MAP3K3: variants seen among roughly 807,000 people sequenced by gnomAD.
MAP3K3 encodes mitogen-activated protein kinase kinase kinase 3, also known as MAP/ERK kinase kinase 3.
MAP3K3 carries 12 observed loss-of-function variants against 80.9 expected under a neutral mutation model. That is an observed-to-expected ratio of 0.15 (90% CI 0.10 to 0.24). MAP3K3 has a LOEUF of 0.24. Among genes scored for constraint, MAP3K3 ranks in the 10% least tolerant of loss-of-function variants. The pLI is 1.00. For missense variants in MAP3K3, 596 were observed against 834.7 expected (o/e 0.71, Z 3.52); for synonymous variants, 272 against 307.1 (o/e 0.89, Z 1.19).
chr17:63,629,546 A>G (rs1446503128), intron 1 of MAP3K3, among the ~76,000 whole-genome samples: 3 of 152,064 alleles, frequency 2.0e-5, no homozygotes, highest in Admixed American at 2.0e-4. Flanking sequence ...CCAAGTGTGC[A>G]TAGTGATGTT....
In MAP3K3 at chr17:63,689,534, A is replaced by C; in HGVS notation, c.872-10A>C. ...TGACTTGCTCTCCTCTGGCCCTTGC[A>C]CCCTTTCAGGCAGAAGAACATTTCC... On this transcript the variant is annotated splice_polypyrimidine_tract_variant and intron_variant, in intron 10 of 15. Coordinates refer to ENST00000361733, the MANE Select transcript of MAP3K3 (RefSeq NM_002401.5). This position sits in a 1 kb window ranked among gnomAD's most constrained non-coding sequence, Gnocchi z 4.3. 1 of 1,609,786 alleles carries C rather than the reference A, an allele frequency of 6.2e-7. No homozygotes were observed. Among genetic ancestry groups the C allele is most frequent in the Non-Finnish European group, 8.5e-7 (1 of 1,177,694 alleles).
chr17:63,683,110 A>G (rs1486989746), intron 7 of MAP3K3, among the ~76,000 whole-genome samples: 2 of 152,232 alleles, frequency 1.3e-5, no homozygotes, highest in African/African-American at 4.8e-5. Flanking sequence ...TTGGCCTGAG[A>G]AGGGGAAATT....
chr17:63,679,243 C>T (rs1026024143), intron 6 of MAP3K3, among the ~76,000 whole-genome samples: 3 of 152,114 alleles, frequency 2.0e-5, no homozygotes, highest in African/African-American at 4.8e-5. Flanking sequence ...AGCAAGCCTC[C>T]CCGCCATTCT....
At chr17:63,646,449 G>A (rs367727461) in intron 3 of MAP3K3, among the ~76,000 whole-genome samples, 2 of 152,214 alleles carry the variant, frequency 1.3e-5, no homozygotes, top group South Asian at 4.1e-4. Context: ...GTGATATGGT[G>A]CCATTACTAT....
At chr17:63,627,098 C>G (rs2034117901) in intron 1 of MAP3K3, among the ~76,000 whole-genome samples, 1 of 152,148 alleles carries the variant, frequency 6.6e-6, no homozygotes, top group Non-Finnish European at 1.5e-5. Flanking sequence ...CCTGCTGGAG[C>G]TAAAGAGAGG....
chr17:63,686,029 G>A (rs966397842), intron 8 of MAP3K3, among the ~76,000 whole-genome samples: 8 of 152,140 alleles, frequency 5.3e-5, no homozygotes. Context: ...TATCCAGAAT[G>A]CCTAGTGTAC....
intron 7 of MAP3K3, among the ~76,000 whole-genome samples, chr17:63,683,689 C>T (rs1293049400): frequency 1.3e-5 from 2 of 152,172 alleles, no homozygotes; most frequent in Non-Finnish European, 2.9e-5. Flanking sequence ...CAGGAACGAA[C>T]ACTGCATAGT....
chr17:63,660,108 C>T (rs1568137059), intron 5 of MAP3K3, among the ~76,000 whole-genome samples: 1 of 152,198 alleles, frequency 6.6e-6, no homozygotes, highest in Non-Finnish European at 1.5e-5. Context: ...TCTTCATCAC[C>T]TCCGCTGATA....
At chr17:63,651,043 A>G (rs2034645560) in intron 3 of MAP3K3, among the ~76,000 whole-genome samples, 1 of 151,820 alleles carries the variant, frequency 6.6e-6, no homozygotes, top group African/African-American at 2.4e-5. Flanking sequence ...TTTCTTTCTT[A>G]TATTCTTTTC....
intron 6 of MAP3K3, among the ~76,000 whole-genome samples, chr17:63,671,189 T>C (rs1707321238): frequency 6.6e-6 from 1 of 152,012 alleles, no homozygotes; most frequent in African/African-American, 2.4e-5. Context: ...TTTTGGTGGT[T>C]CTCAAAGTGT....
intron 5 of MAP3K3, among the ~76,000 whole-genome samples, chr17:63,659,414 A>G (rs2034838028): frequency 6.6e-6 from 1 of 151,876 alleles, no homozygotes; most frequent in African/African-American, 2.4e-5. Flanking sequence ...TGGAAGAATT[A>G]TGATCCAAAA....
rs183708823 is a variant in MAP3K3 at position 63,649,403 on chromosome 17, G to C, written c.168-3154G>C. ...AGTGAGCCGAGATCGTGCCACTTCAGCCTAGGCGACAGAGCGAGACTCCAT... is the reference window on the plus strand; with the variant it reads ...AGTGAGCCGAGATCGTGCCACTTCACCCTAGGCGACAGAGCGAGACTCCAT... On this transcript the variant is annotated intron_variant, in intron 3 of 15. Coordinates refer to ENST00000361733, the MANE Select transcript of MAP3K3 (RefSeq NM_002401.5). Among the ~76,000 whole-genome samples, 43 of 150,244 alleles carry C rather than the reference G, an allele frequency of 2.9e-4. 1 individual carries two copies. Among genetic ancestry groups the C allele is most frequent in the Admixed American group, 1.2e-3 (18 of 15,058 alleles).
chr17:63,663,434 G>A (rs143417295), intron 5 of MAP3K3, among the ~76,000 whole-genome samples: 6 of 151,958 alleles, frequency 3.9e-5, no homozygotes, highest in African/African-American at 9.6e-5. Flanking sequence ...CCTGGGAGGC[G>A]GAGGTTGCAG....
chr17:63,638,941 G>A (rs1568126099), intron 2 of MAP3K3, among the ~76,000 whole-genome samples: 1 of 152,014 alleles, frequency 6.6e-6, no homozygotes. Flanking sequence ...TGGGAGAATC[G>A]CTTGTACTTG....
chr17:63,653,635 C>T (rs1289716889), intron 4 of MAP3K3, among the ~76,000 whole-genome samples: 2 of 152,138 alleles, frequency 1.3e-5, no homozygotes, highest in East Asian at 3.8e-4. Context: ...GACTAACTTA[C>T]ATTTGATTAA....
At chr17:63,686,143 ATTGATC>A (rs1034685879) in intron 8 of MAP3K3, among the ~76,000 whole-genome samples, 26 of 152,200 alleles carry the variant, frequency 1.7e-4, no homozygotes, top group African/African-American at 5.3e-4. Flanking sequence ...AGGCCTTGGC[ATTGATC>A]TTGCCACTCC....
intron 9 of MAP3K3, 53 bp downstream of exon 9, chr17:63,688,647 A>G: frequency 6.4e-7 from 1 of 1,555,384 alleles, no homozygotes; most frequent in Non-Finnish European, 8.9e-7. Flanking sequence ...GTGGGGCCTC[A>G]GGTGGCTCTG....
chr17:63,694,470 A>C lies in MAP3K3; in HGVS notation c.*693A>C, dbSNP rs56379166. 6.5e-6 allele frequency: 1 copy of C among 152,746 alleles called. No individual in the cohort carries two copies. The highest frequency in any genetic ancestry group is 2.1e-4 in the South Asian group (1 of 4,840). The allele number at this position is 152,746 out of a possible 1,614,324, so 9.5% of individuals were successfully genotyped here. A position where few individuals can be genotyped will look rare whatever the true frequency, so the allele number is the denominator to read the frequency against. On this transcript the variant is annotated 3_prime_UTR_variant, in exon 16 of 16. Transcript: ENST00000361733. Reference sequence around the variant, plus strand: ...AACTGCTGCCACTGAGGGGGGATCCAGTTTTGTCAATGCAGTTGTCTCTGT... The same window carrying C: ...AACTGCTGCCACTGAGGGGGGATCCCGTTTTGTCAATGCAGTTGTCTCTGT...
At chr17:63,678,167 C>T (rs1488183986) in intron 6 of MAP3K3, among the ~76,000 whole-genome samples, 1 of 152,074 alleles carries the variant, frequency 6.6e-6, no homozygotes, top group African/African-American at 2.4e-5. Context: ...CTTGGGTTTC[C>T]CTCTGCGCAA....
Sources: gnomAD v4.1 joint callset for allele counts (sites outside exome capture counted in the v4.1 genomes callset) on GRCh38, gnomAD v4.1.1 for gene constraint, Gnocchi (gnomAD v3.1) non-coding constraint, MANE v1.5 for transcripts, NCBI Gene and HGNC (gene_info 2026-07-23, HGNC 2026-07-21) for gene names.